Variants in CSMD1 observed in about 807,000 individuals in gnomAD.
CSMD1 encodes CUB and Sushi multiple domains 1.
A neutral mutation model predicts 417.5 loss-of-function variants in CSMD1; 213 were observed. The observed-to-expected ratio is 0.51, with a 90% CI of 0.46 to 0.57. The LOEUF (loss-of-function observed/expected upper bound fraction) is 0.57, where lower values mean the gene tolerates loss of function less well. Ranked by LOEUF, CSMD1 falls within the 20% of genes least tolerant of loss-of-function variation. The pLI is 0.00. For missense variants in CSMD1, 6,923 were observed against 4,529.7 expected, an observed-to-expected ratio of 1.53 and a Z score of -15.17; for synonymous variants, 2,862 against 1,736.8, an observed-to-expected ratio of 1.65 and a Z score of -16.11.
chr8:3,742,981 G>C (rs147143693), intron 6 of CSMD1, among the ~76,000 whole-genome samples: 232 of 152,266 alleles, frequency 1.5e-3, no homozygotes, highest in Non-Finnish European at 2.8e-3. Context: ...TACACAACTA[G>C]TGGAAGCAGT....
At chr8:4,386,839 G>C (rs1316744731) in intron 3 of CSMD1, among the ~76,000 whole-genome samples, 1 of 152,192 alleles carries the variant, frequency 6.6e-6, no homozygotes, top group Non-Finnish European at 1.5e-5. Flanking sequence ...GCGGAAATAA[G>C]ACCACAGCAG....
chr8:3,408,995 C>G (rs538138268), intron 13 of CSMD1, among the ~76,000 whole-genome samples: 1 of 152,130 alleles, frequency 6.6e-6, no homozygotes. Flanking sequence ...AGGAAGTGGG[C>G]AGCTCATCAA....
At chr8:4,721,042 AAAACCACTCTAATAAT>A in intron 1 of CSMD1, among the ~76,000 whole-genome samples, 1 of 152,348 alleles carries the variant, frequency 6.6e-6, no homozygotes, top group South Asian at 2.1e-4. Flanking sequence ...CATTATTCAT[AAAACCACTCTAATAAT>A]AAACCTCTCA....
chr8:4,298,407 C>G (rs975473057), intron 3 of CSMD1, among the ~76,000 whole-genome samples: 4 of 152,032 alleles, frequency 2.6e-5, no homozygotes, highest in African/African-American at 9.7e-5. Flanking sequence ...GAATACCATA[C>G]TAGACACTAG....
chr8:3,720,935 C>A (rs549248395), intron 6 of CSMD1, among the ~76,000 whole-genome samples: 2 of 152,116 alleles, frequency 1.3e-5, no homozygotes, highest in Admixed American at 1.3e-4. Context: ...CCTGCCTCAG[C>A]CTCCCAACTA....
chr8:3,388,978 G>T (rs935493441), intron 17 of CSMD1, among the ~76,000 whole-genome samples: 4 of 151,400 alleles, frequency 2.6e-5, no homozygotes, highest in Admixed American at 2.0e-4. Context: ...CTTCTTCCAG[G>T]ACACTCCCAC....
chr8:4,540,882 G>A (rs1167655143), intron 2 of CSMD1, among the ~76,000 whole-genome samples: 1 of 152,060 alleles, frequency 6.6e-6, no homozygotes, highest in Non-Finnish European at 1.5e-5. Flanking sequence ...CTGACTCTCC[G>A]CCACTCTGCT....
At chr8:4,500,680 T>C (rs1802215868) in intron 2 of CSMD1, among the ~76,000 whole-genome samples, 1 of 152,110 alleles carries the variant, frequency 6.6e-6, no homozygotes, top group Non-Finnish European at 1.5e-5. Flanking sequence ...CTGGACACTG[T>C]GGGAGTGGTG....
chr8:4,304,858 T>G (rs1798160158), intron 3 of CSMD1, among the ~76,000 whole-genome samples: 1 of 152,228 alleles, frequency 6.6e-6, no homozygotes, highest in Admixed American at 6.5e-5. Context: ...CTATTTCACC[T>G]TAATCATTTC....
intron 5 of CSMD1, among the ~76,000 whole-genome samples, chr8:3,776,223 A>G (rs1343517721): frequency 6.6e-6 from 1 of 152,132 alleles, no homozygotes; most frequent in African/African-American, 2.4e-5. Flanking sequence ...CCCTGTGCTC[A>G]TCCGGATGGA....
intron 1 of CSMD1, among the ~76,000 whole-genome samples, chr8:4,886,015 G>C (rs555494123): frequency 3.9e-5 from 6 of 152,070 alleles, no homozygotes; most frequent in East Asian, 1.9e-4. Flanking sequence ...ATTTGAGACA[G>C]TGTCTCCCTC....
intron 17 of CSMD1, among the ~76,000 whole-genome samples, chr8:3,388,801 C>T (rs1811164484): frequency 6.6e-6 from 1 of 152,148 alleles, no homozygotes; most frequent in Admixed American, 6.6e-5. Context: ...AGCTTTCAAT[C>T]TGCCAGAGGC....
At chr8:3,716,838 A>C (rs1277905380) in intron 6 of CSMD1, among the ~76,000 whole-genome samples, 1 of 152,008 alleles carries the variant, frequency 6.6e-6, no homozygotes, top group Non-Finnish European at 1.5e-5. Context: ...TCATCTAATA[A>C]AACATTATCA....
At chr8:4,240,837 C>T (rs541262318) in intron 3 of CSMD1, among the ~76,000 whole-genome samples, 11 of 152,174 alleles carry the variant, frequency 7.2e-5, no homozygotes, top group Admixed American at 2.0e-4. Context: ...TATGTGAGGG[C>T]GTAGCATGGG....
intron 1 of CSMD1, among the ~76,000 whole-genome samples, chr8:4,822,349 G>C (rs1362126492): frequency 6.6e-6 from 1 of 152,100 alleles, no homozygotes; most frequent in Non-Finnish European, 1.5e-5. Context: ...TATGTTTAGA[G>C]AGGACAAAAA....
intron 2 of CSMD1, among the ~76,000 whole-genome samples, chr8:4,455,517 T>C (rs887791608): frequency 6.6e-6 from 1 of 152,180 alleles, no homozygotes; most frequent in Admixed American, 6.5e-5. Context: ...TCTCTGCAGC[T>C]GGACCAGAAA....
chr8:4,409,350 T>C (rs1294118851), intron 3 of CSMD1, among the ~76,000 whole-genome samples: 1 of 152,162 alleles, frequency 6.6e-6, no homozygotes, highest in Non-Finnish European at 1.5e-5. Flanking sequence ...TCTCACATCT[T>C]CTCCTCGAAT....
At chr8:4,957,866 C>T (rs1809225179) in intron 1 of CSMD1, among the ~76,000 whole-genome samples, 1 of 152,144 alleles carries the variant, frequency 6.6e-6, no homozygotes, top group Admixed American at 6.5e-5. Flanking sequence ...ACTCTGCCAG[C>T]CCCTGCAATA....
chr8:4,143,142 AG>A (rs1411050105), intron 3 of CSMD1, among the ~76,000 whole-genome samples: 2 of 151,188 alleles, frequency 1.3e-5, no homozygotes, highest in African/African-American at 4.9e-5. Context: ...GCATTTCTAG[AG>A]AAACAAATGC....
Sources: gnomAD v4.1 joint callset for allele counts (sites outside exome capture counted in the v4.1 genomes callset) on GRCh38, gnomAD v4.1.1 for gene constraint, MANE v1.5 for transcripts, NCBI Gene and HGNC (gene_info 2026-07-23, HGNC 2026-07-21) for gene names.